PDE4B: variants seen among roughly 807,000 people sequenced by gnomAD.
PDE4B encodes 3',5'-cyclic-AMP phosphodiesterase 4B.
PDE4B carries 20 observed loss-of-function variants against 82.2 expected under a neutral mutation model. That is an observed-to-expected ratio of 0.24 (90% CI 0.17 to 0.35). The LOEUF is 0.35. PDE4B is among the 10% of genes least tolerant of loss of function. The pLI, the probability that PDE4B is intolerant of heterozygous loss-of-function variation, is 1.00. For synonymous variants in PDE4B, 320 were observed against 318.9 expected, an observed-to-expected ratio of 1.00 and a Z score of -0.04; for missense variants, 655 against 907.2, an observed-to-expected ratio of 0.72 and a Z score of 3.57.
At chr1:66,180,824 TGA>T (rs148176576) in intron 3 of PDE4B, among the ~76,000 whole-genome samples, 13 of 150,258 alleles carry the variant, frequency 8.7e-5, no homozygotes, top group Admixed American at 1.3e-4. Context: ...CTCTGTGGAC[TGA>T]GAGAGAGAGA....
chr1:66,200,180 G>T (rs553871099), intron 3 of PDE4B, among the ~76,000 whole-genome samples: 2 of 152,204 alleles, frequency 1.3e-5, no homozygotes, highest in South Asian at 4.1e-4. Context: ...ATTTCCGAGG[G>T]TTCTGTTCTA....
intron 9 of PDE4B, among the ~76,000 whole-genome samples, chr1:66,358,710 T>C (rs1239280431): frequency 6.7e-6 from 1 of 148,288 alleles, no homozygotes; most frequent in Non-Finnish European, 1.5e-5. Context: ...CAGTTTCTAA[T>C]AATATAAAAG....
At chr1:66,032,433 T>C (rs1039617883) in intron 3 of PDE4B, among the ~76,000 whole-genome samples, 1 of 152,206 alleles carries the variant, frequency 6.6e-6, no homozygotes, top group Non-Finnish European at 1.5e-5. Context: ...GTGTATCCAT[T>C]TTGAATAATA....
chr1:66,058,133 T>C (rs1655397329), intron 3 of PDE4B, among the ~76,000 whole-genome samples: 2 of 152,160 alleles, frequency 1.3e-5, no homozygotes, highest in Non-Finnish European at 2.9e-5. Flanking sequence ...ACAGGCCCCA[T>C]GTAAGTCTGA....
chr1:66,322,809 G>A (rs900606657), intron 7 of PDE4B, among the ~76,000 whole-genome samples: 5 of 151,878 alleles, frequency 3.3e-5, no homozygotes, highest in Non-Finnish European at 2.9e-5. Context: ...AGGTTACTAG[G>A]TAATGTTTTA....
chr1:66,056,991 G>T (rs1043024335), intron 3 of PDE4B, among the ~76,000 whole-genome samples: 1 of 152,100 alleles, frequency 6.6e-6, no homozygotes, highest in African/African-American at 2.4e-5. Flanking sequence ...ACTAATACAT[G>T]TGTACATTTC....
intron 3 of PDE4B, among the ~76,000 whole-genome samples, chr1:65,953,257 TATAATTTACAGA>T (rs1649092811): frequency 6.6e-6 from 1 of 152,104 alleles, no homozygotes; most frequent in Non-Finnish European, 1.5e-5. Flanking sequence ...TATATGTATT[TATAATTTACAGA>T]GCAAGCTGAA....
chr1:66,215,941 G>A (rs893958398), intron 3 of PDE4B, among the ~76,000 whole-genome samples: 1 of 152,118 alleles, frequency 6.6e-6, no homozygotes, highest in African/African-American at 2.4e-5. Flanking sequence ...CATTTGGTAT[G>A]AGATTGGAGT....
At chr1:66,240,287 C>T (rs928602179) in intron 3 of PDE4B, among the ~76,000 whole-genome samples, 20 of 152,264 alleles carry the variant, frequency 1.3e-4, no homozygotes, top group East Asian at 9.6e-4. Context: ...ATTCATCAGA[C>T]GTGATAGGCA....
intron 3 of PDE4B, among the ~76,000 whole-genome samples, chr1:66,039,940 G>A (rs1654275984): frequency 6.6e-6 from 1 of 151,964 alleles, no homozygotes; most frequent in South Asian, 2.1e-4. Context: ...GTGGACAACT[G>A]AGAGAAAAGT....
rs147255908 is a variant in PDE4B at position 66,280,415 on chromosome 1, C to T, written c.634+14328C>T. ...CAATTTGTGCCTAGTATCTGGAACACACAACTGATTATCTTAAACTCAATG... is the reference window on the plus strand; with the variant it reads ...CAATTTGTGCCTAGTATCTGGAACATACAACTGATTATCTTAAACTCAATG... On this transcript the variant is annotated intron_variant, in intron 7 of 16. Transcript: ENST00000341517. Among the ~76,000 whole-genome samples the T allele has an allele frequency of 2.0e-5, 3 of 152,302 alleles. No individual in the cohort carries two copies. In the East Asian group the frequency reaches 5.8e-4, roughly 29 times the overall value.
At chr1:66,136,941 G>T (rs1646071068) in intron 3 of PDE4B, among the ~76,000 whole-genome samples, 1 of 152,060 alleles carries the variant, frequency 6.6e-6, no homozygotes, top group Admixed American at 6.6e-5. Context: ...GTGAAGAGAT[G>T]CAATATTATG....
intron 3 of PDE4B, among the ~76,000 whole-genome samples, chr1:66,211,129 C>A (rs1207301311): frequency 1.3e-5 from 2 of 152,166 alleles, no homozygotes; most frequent in South Asian, 4.1e-4. Flanking sequence ...TAAGATGTAC[C>A]ATTCATGGAC....
chr1:66,093,108 C>T (rs983060892), intron 3 of PDE4B, among the ~76,000 whole-genome samples: 1 of 151,942 alleles, frequency 6.6e-6, no homozygotes, highest in Non-Finnish European at 1.5e-5. Context: ...GGGTTTGTGG[C>T]ATGAATAGGG....
intron 3 of PDE4B, among the ~76,000 whole-genome samples, chr1:66,212,751 T>C (rs1324509835): frequency 6.6e-6 from 1 of 152,184 alleles, no homozygotes; most frequent in Non-Finnish European, 1.5e-5. Flanking sequence ...TCCATCATGA[T>C]ATATGCTCCC....
At chr1:66,195,243 T>C (rs1368212447) in intron 3 of PDE4B, among the ~76,000 whole-genome samples, 1 of 152,170 alleles carries the variant, frequency 6.6e-6, no homozygotes, top group Non-Finnish European at 1.5e-5. Flanking sequence ...TGAATAGGAC[T>C]ACCCTGAAAA....
intron 8 of PDE4B, among the ~76,000 whole-genome samples, chr1:66,336,821 T>G (rs1235965336): frequency 6.6e-6 from 1 of 152,194 alleles, no homozygotes; most frequent in Non-Finnish European, 1.5e-5. Flanking sequence ...TTCCAGTTCT[T>G]CAGGTGCAGC....
At chr1:66,116,999 G>A (rs534263434) in intron 3 of PDE4B, among the ~76,000 whole-genome samples, 1 of 152,242 alleles carries the variant, frequency 6.6e-6, no homozygotes, top group African/African-American at 2.4e-5. Flanking sequence ...GTCTTCCAAA[G>A]TGCCGGTGAC....
intron 3 of PDE4B, among the ~76,000 whole-genome samples, chr1:66,085,693 A>G (rs952471794): frequency 1.3e-5 from 2 of 152,110 alleles, no homozygotes; most frequent in African/African-American, 4.8e-5. Context: ...TGTAGGAAAC[A>G]GAGTGGCTGG....
Sources: allele counts gnomAD v4.1 joint callset (sites outside exome capture counted in the v4.1 genomes callset), GRCh38; gene constraint gnomAD v4.1.1; transcripts MANE v1.5; gene names NCBI Gene and HGNC (gene_info 2026-07-23, HGNC 2026-07-21).